IQCJ: variants seen among roughly 807,000 people sequenced by gnomAD.
IQCJ encodes the protein IQ domain-containing protein J.
IQCJ carries 9 observed loss-of-function variants against 11.0 expected under a neutral mutation model. The observed-to-expected ratio is 0.82, with a 90% CI of 0.49 to 1.43. The LOEUF (loss-of-function observed/expected upper bound fraction) is 1.43, where lower values mean the gene tolerates loss of function less well. IQCJ is among the 40% of genes most tolerant of loss of function. IQCJ has a pLI of 0.00. For missense variants in IQCJ, 146 were observed against 133.2 expected (o/e 1.10, Z -0.47); for synonymous variants, 55 against 51.3 (o/e 1.07, Z -0.31).
chr3:159,199,955 C>T (rs1724215047), intron 1 of IQCJ, among the ~76,000 whole-genome samples: 2 of 148,904 alleles, frequency 1.3e-5, no homozygotes, highest in Admixed American at 6.7e-5. Flanking sequence ...CTTAACCTCC[C>T]CATGCCTCAG....
At chr3:159,094,623 G>T (rs1434168788) in intron 1 of IQCJ, among the ~76,000 whole-genome samples, 5 of 151,382 alleles carry the variant, frequency 3.3e-5, no homozygotes, top group Admixed American at 2.6e-4. Context: ...TGTCACCCTG[G>T]GATGAGTTCA....
intron 1 of IQCJ, among the ~76,000 whole-genome samples, chr3:159,119,029 T>C (rs1391932862): frequency 1.3e-5 from 2 of 152,194 alleles, no homozygotes; most frequent in African/African-American, 2.4e-5. Context: ...TATTTACTCA[T>C]GCTTTCCATA....
intron 1 of IQCJ, among the ~76,000 whole-genome samples, chr3:159,151,071 C>G (rs577013008): frequency 4.7e-4 from 72 of 152,284 alleles, no homozygotes; most frequent in African/African-American, 1.6e-3. Context: ...ACTTTTAGCC[C>G]CTGTGTCACC....
intron 1 of IQCJ, among the ~76,000 whole-genome samples, chr3:159,071,999 A>T (rs1402655997): frequency 6.6e-6 from 1 of 152,124 alleles, no homozygotes; most frequent in African/African-American, 2.4e-5. Context: ...AGCTGAAAAT[A>T]TTCATCCTTT....
At chr3:159,133,275 A>G (rs1720100441) in intron 1 of IQCJ, among the ~76,000 whole-genome samples, 1 of 152,210 alleles carries the variant, frequency 6.6e-6, no homozygotes, top group South Asian at 2.1e-4. Context: ...AATGAAATTA[A>G]TAAATATTTA....
intron 1 of IQCJ, among the ~76,000 whole-genome samples, chr3:159,194,375 G>T (rs1723859847): frequency 6.6e-6 from 1 of 152,148 alleles, no homozygotes; most frequent in Non-Finnish European, 1.5e-5. Flanking sequence ...AAGTGCCACT[G>T]GTAGCCATTC....
At chr3:159,091,954 A>G (rs1717342026) in intron 1 of IQCJ, among the ~76,000 whole-genome samples, 1 of 151,872 alleles carries the variant, frequency 6.6e-6, no homozygotes, top group African/African-American at 2.4e-5. Context: ...GAAATTTCTA[A>G]TAAATTAAGC....
intron 1 of IQCJ, among the ~76,000 whole-genome samples, chr3:159,138,960 C>A (rs1170615535): frequency 2.0e-5 from 3 of 152,124 alleles, no homozygotes; most frequent in Non-Finnish European, 2.9e-5. Context: ...ATCCTGAGGA[C>A]AAGACCTAGG....
At chr3:159,124,776 T>G (rs1719576734) in intron 1 of IQCJ, among the ~76,000 whole-genome samples, 1 of 152,184 alleles carries the variant, frequency 6.6e-6, no homozygotes, top group Admixed American at 6.5e-5. Flanking sequence ...AACATGTTTG[T>G]TGAATGAATG....
chr3:159,148,358 A>G (rs1039274787), intron 1 of IQCJ, among the ~76,000 whole-genome samples: 2 of 152,198 alleles, frequency 1.3e-5, no homozygotes. Context: ...TATGTGAACT[A>G]TTTTGAAAGA....
At chr3:159,081,828 G>C (rs903594405) in intron 1 of IQCJ, among the ~76,000 whole-genome samples, 2 of 152,092 alleles carry the variant, frequency 1.3e-5, no homozygotes, top group Admixed American at 6.6e-5. Context: ...AAACAAAAAA[G>C]AGTATTGTCT....
intron 1 of IQCJ, among the ~76,000 whole-genome samples, chr3:159,173,892 C>T (rs1722633735): frequency 6.6e-6 from 1 of 151,968 alleles, no homozygotes; most frequent in South Asian, 2.1e-4. Context: ...TAAAAAAATC[C>T]TTAGCTGTTA....
At chr3:159,127,273 C>T (rs1355949026) in intron 1 of IQCJ, among the ~76,000 whole-genome samples, 5 of 152,142 alleles carry the variant, frequency 3.3e-5, no homozygotes, top group Non-Finnish European at 7.3e-5. Context: ...TTCCACCAGG[C>T]AGAGGGAGTT....
intron 2 of IQCJ, among the ~76,000 whole-genome samples, chr3:159,251,820 A>G (rs772342798): frequency 1.3e-5 from 2 of 152,170 alleles, no homozygotes; most frequent in Non-Finnish European, 2.9e-5. Flanking sequence ...TAAATTTAAC[A>G]TTATCTCTCC....
At chr3:159,160,948 T>C (rs1721815277) in intron 1 of IQCJ, among the ~76,000 whole-genome samples, 1 of 152,164 alleles carries the variant, frequency 6.6e-6, no homozygotes, top group Non-Finnish European at 1.5e-5. Context: ...ACATTTGGGT[T>C]GGTTCCAAGT....
intron 1 of IQCJ, among the ~76,000 whole-genome samples, chr3:159,227,549 T>C (rs2108137486): frequency 6.6e-6 from 1 of 152,304 alleles, no homozygotes; most frequent in Non-Finnish European, 1.5e-5. Context: ...ATAGATTCAA[T>C]GGCTGTCTCC....
At chr3:159,124,024 G>A (rs951857944) in intron 1 of IQCJ, among the ~76,000 whole-genome samples, 2 of 152,104 alleles carry the variant, frequency 1.3e-5, no homozygotes, top group Non-Finnish European at 2.9e-5. Flanking sequence ...TGCACCTTGT[G>A]TCTCATACTA....
At chr3:159,102,823 A>T (rs1718016495) in intron 1 of IQCJ, among the ~76,000 whole-genome samples, 1 of 152,146 alleles carries the variant, frequency 6.6e-6, no homozygotes, top group South Asian at 2.1e-4. Flanking sequence ...ATTCCTGGTG[A>T]CTTCTGACAT....
chr3:159,238,911 G>T (rs1438948802), intron 1 of IQCJ, among the ~76,000 whole-genome samples: 2 of 152,122 alleles, frequency 1.3e-5, no homozygotes, highest in African/African-American at 4.8e-5. Context: ...CTTGGCTGAG[G>T]AGTTTGGAAT....
Sources: gnomAD v4.1 joint callset for allele counts (sites outside exome capture counted in the v4.1 genomes callset) on GRCh38, gnomAD v4.1.1 for gene constraint, MANE v1.5 for transcripts, NCBI Gene and HGNC (gene_info 2026-07-23, HGNC 2026-07-21) for gene names.